The following ANO4 variants were observed in gnomAD, a reference collection of about 807,000 sequenced individuals.
ANO4 encodes anoctamin-4.
A neutral mutation model predicts 141.9 loss-of-function variants in ANO4; 69 were observed. That is an observed-to-expected ratio of 0.49 (90% CI 0.40 to 0.59). The LOEUF is 0.59. Among genes scored for constraint, ANO4 ranks in the 20% least tolerant of loss-of-function variants. ANO4 has a pLI of 0.00. For synonymous variants in ANO4, 350 were observed against 394.3 expected, an observed-to-expected ratio of 0.89 and a Z score of 1.33; for missense variants, 894 against 1,162.2, an observed-to-expected ratio of 0.77 and a Z score of 3.36.
At chr12:100,835,792 A>G (rs1175202419) in intron 1 of ANO4, among the ~76,000 whole-genome samples, 2 of 152,182 alleles carry the variant, frequency 1.3e-5, no homozygotes, top group East Asian at 1.9e-4. Context: ...GGATTTTTCT[A>G]TTGCAACTGC....
chr12:100,826,652 A>G (rs1365519530), intron 1 of ANO4, among the ~76,000 whole-genome samples: 3 of 152,022 alleles, frequency 2.0e-5, no homozygotes, highest in African/African-American at 7.2e-5. Context: ...AATTGTAAAT[A>G]CAACTTGTGA....
At chr12:101,104,621 A>ATGTG (rs796758540) in intron 22 of ANO4, among the ~76,000 whole-genome samples, 56 of 49,020 alleles carry the variant, frequency 1.1e-3, no homozygotes, top group South Asian at 3.6e-3. Flanking sequence ...GTGTGTATGT[A>ATGTG]TGTGTGTATA....
At chr12:100,724,197 G>A (rs1251398873) in intron 1 of ANO4, among the ~76,000 whole-genome samples, 1 of 152,300 alleles carries the variant, frequency 6.6e-6, no homozygotes, top group East Asian at 1.9e-4. Flanking sequence ...TTCATGAAAG[G>A]GCTTTTGTCA....
chr12:100,860,842 T>G (rs1019310934), intron 1 of ANO4, among the ~76,000 whole-genome samples: 1 of 152,202 alleles, frequency 6.6e-6, no homozygotes, highest in Admixed American at 6.5e-5. Flanking sequence ...ATTTTATCAT[T>G]GTATGACTAT....
Position 101,102,805 on chromosome 12 carries a change from A to G in ANO4, c.2149+3085A>G, listed in dbSNP as rs80185950. Among the ~76,000 whole-genome samples the G allele has an allele frequency of 4.5e-4, 69 of 152,086 alleles. 1 individual carries two copies. In the East Asian group the frequency reaches 9.7e-3, roughly 21 times the overall value. The stretch of plus-strand genomic sequence containing the variant: ...GGGATTAAATTGAACTCCTACATCA[A>G]TTTGAAGATATTTGATGTTTCCCCA... On this transcript the variant is annotated intron_variant, in intron 22 of 27. Transcript: ENST00000392977.
chr12:100,832,597 G>A (rs892585430), intron 1 of ANO4, among the ~76,000 whole-genome samples: 1 of 152,096 alleles, frequency 6.6e-6, no homozygotes, highest in Non-Finnish European at 1.5e-5. Context: ...TGCTGATGTT[G>A]GGAGGTAGCA....
At chr12:100,806,463 C>T (rs1230620638) in intron 1 of ANO4, among the ~76,000 whole-genome samples, 3 of 149,470 alleles carry the variant, frequency 2.0e-5, no homozygotes, top group Non-Finnish European at 4.4e-5. Flanking sequence ...ATGCCCTTTG[C>T]AGGCCCACTT....
At chr12:100,749,817 A>G (rs576720646) in intron 3 of ANO4, among the ~76,000 whole-genome samples, 1 of 152,348 alleles carries the variant, frequency 6.6e-6, no homozygotes, top group East Asian at 1.9e-4. Flanking sequence ...CTTGCTACTC[A>G]AAGTGTGGTC....
At chr12:101,085,270 T>A (rs575944903) in intron 16 of ANO4, among the ~76,000 whole-genome samples, 1 of 152,260 alleles carries the variant, frequency 6.6e-6, no homozygotes, top group Admixed American at 6.5e-5. Context: ...AATCATCTAA[T>A]GAAAGTCACA....
At chr12:100,843,487 C>T (rs1291883040) in intron 1 of ANO4, among the ~76,000 whole-genome samples, 1 of 152,154 alleles carries the variant, frequency 6.6e-6, no homozygotes, top group African/African-American at 2.4e-5. Context: ...CTCAACTTCT[C>T]GCCCCAAACT....
At chr12:100,989,790 GAT>G (rs1566096706) in intron 8 of ANO4, among the ~76,000 whole-genome samples, 16 of 151,206 alleles carry the variant, frequency 1.1e-4, no homozygotes, top group Non-Finnish European at 2.2e-4. Flanking sequence ...TGGATGGATG[GAT>G]GGATGGATAG....
rs914593706 is a variant in ANO4 at position 100,951,778 on chromosome 12, T to C, written c.456+9243T>C. ...ATTGTGGATAGCTGATTTTCACAGC[T>C]GAGTCTGGGTAACAACAGTCAATTC... On this transcript the variant is annotated intron_variant, in intron 5 of 27. Coordinates refer to ENST00000392977, the MANE Select transcript of ANO4 (RefSeq NM_001286615.2). Among the ~76,000 whole-genome samples, 92 of 152,334 alleles carry C rather than the reference T, an allele frequency of 6.0e-4. 1 individual carries two copies. Among genetic ancestry groups the C allele is most frequent in the Non-Finnish European group, 2.9e-5 (2 of 68,038 alleles).
intron 3 of ANO4, among the ~76,000 whole-genome samples, chr12:100,774,131 C>G (rs926154344): frequency 2.0e-5 from 3 of 152,062 alleles, no homozygotes; most frequent in African/African-American, 7.2e-5. Flanking sequence ...AACTCCTGTT[C>G]TAAAGTCTGT....
intron 17 of ANO4, among the ~76,000 whole-genome samples, chr12:101,093,411 A>G (rs1478482692): frequency 6.6e-6 from 1 of 152,204 alleles, no homozygotes; most frequent in African/African-American, 2.4e-5. Flanking sequence ...CTGTAATTCC[A>G]GCCTGGGCAA....
At chr12:101,097,622 A>G (rs761827196) in intron 19 of ANO4, 29 bp from the exon 20 acceptor site, 16 of 1,610,584 alleles carry the variant, frequency 9.9e-6, no homozygotes, top group Non-Finnish European at 1.1e-5. Flanking sequence ...CTAGAGCACT[A>G]ATGGCTTGTT....
At chr12:100,914,815 T>TTTTTTA (rs1410530061) in intron 2 of ANO4, among the ~76,000 whole-genome samples, 13 of 152,078 alleles carry the variant, frequency 8.5e-5, no homozygotes, top group African/African-American at 2.9e-4. Flanking sequence ...CCCTCCCTTC[T>TTTTTTA]TTTTTATTTT....
At chr12:100,810,825 A>G (rs1040575552) in intron 1 of ANO4, among the ~76,000 whole-genome samples, 4 of 152,200 alleles carry the variant, frequency 2.6e-5, no homozygotes, top group Non-Finnish European at 5.9e-5. Flanking sequence ...CATATGGTCA[A>G]TAGGTCAATA....
intron 3 of ANO4, among the ~76,000 whole-genome samples, chr12:100,777,545 A>T (rs922323875): frequency 4.6e-5 from 7 of 151,976 alleles, no homozygotes; most frequent in Admixed American, 1.3e-4. Flanking sequence ...CCGAAGATTC[A>T]GTTTGCCTAA....
intron 1 of ANO4, among the ~76,000 whole-genome samples, chr12:100,872,573 A>G (rs1341643954): frequency 6.6e-6 from 1 of 152,234 alleles, no homozygotes; most frequent in Non-Finnish European, 1.5e-5. Context: ...AAGTACAATT[A>G]TCTCCTCCTT....
Sources: allele counts gnomAD v4.1 joint callset (sites outside exome capture counted in the v4.1 genomes callset), GRCh38; gene constraint gnomAD v4.1.1; transcripts MANE v1.5; gene names NCBI Gene and HGNC (gene_info 2026-07-23, HGNC 2026-07-21).